INPP5F: variants seen among roughly 807,000 people sequenced by gnomAD.
INPP5F encodes inositol polyphosphate-5-phosphatase F, also known as phosphatidylinositide 4-phosphatase SAC2.
INPP5F carries 97 observed loss-of-function variants against 137.2 expected under a neutral mutation model. The observed-to-expected ratio is 0.71, with a 90% CI of 0.60 to 0.84. INPP5F has a LOEUF of 0.84. Among genes scored for constraint, INPP5F ranks in the 40% least tolerant of loss-of-function variants. The probability of loss-of-function intolerance (pLI) is 0.00; values close to 1 mark genes in which losing one functional copy is unlikely to be tolerated. For missense variants in INPP5F, 1,271 were observed against 1,371.9 expected, an observed-to-expected ratio of 0.93 and a Z score of 1.16; for synonymous variants, 504 against 476.9, an observed-to-expected ratio of 1.06 and a Z score of -0.74.
intron 2 of INPP5F, among the ~76,000 whole-genome samples, chr10:119,766,331 C>T (rs1849164375): frequency 6.6e-6 from 1 of 152,158 alleles, no homozygotes; most frequent in Non-Finnish European, 1.5e-5. Flanking sequence ...ATCTGGGCAT[C>T]CCTTCCCAGT....
intron 3 of INPP5F, among the ~76,000 whole-genome samples, chr10:119,790,249 C>T (rs187981203): frequency 6.6e-6 from 1 of 152,180 alleles, no homozygotes; most frequent in African/African-American, 2.4e-5. Context: ...TGTCCATAAG[C>T]TTGGTTCTGT....
At position 119,781,628 on chromosome 10, in the gene INPP5F, C is replaced by G. The variant is rs2134179297; in HGVS notation, c.179-7C>G. The G allele has an allele frequency of 6.2e-7, 1 of 1,603,610 alleles. No individual in the cohort carries two copies. Among genetic ancestry groups the G allele is most frequent in the Non-Finnish European group, 8.5e-7 (1 of 1,173,432 alleles). On this transcript the variant is annotated splice_polypyrimidine_tract_variant and splice_region_variant and intron_variant, in intron 2 of 19. Coordinates refer to ENST00000650623, the MANE Select transcript of INPP5F (RefSeq NM_014937.4). ...CGCCAGACTTTATTATGACTCTCCT[C>G]TTTCAGATCTTCCATGGTGGCTTAT...
chr10:119,795,931 A>C (rs1246629434), intron 6 of INPP5F, among the ~76,000 whole-genome samples: 2 of 152,254 alleles, frequency 1.3e-5, no homozygotes, highest in South Asian at 2.1e-4. Context: ...TATGAAAACC[A>C]GTCAGGCGTG....
intron 15 of INPP5F, chr10:119,816,453 TG>T (rs950444448): frequency 2.0e-5 from 3 of 152,240 alleles, no homozygotes; most frequent in African/African-American, 7.2e-5. Context: ...GGCATGTCTT[TG>T]TCTTGTGGGT....
At position 119,820,725 on chromosome 10, in the gene INPP5F, T is replaced by G. The variant is rs1424993415; in HGVS notation, c.1887-121T>G. On this transcript the variant is annotated intron_variant, in intron 15 of 19. Coordinates refer to ENST00000650623, the MANE Select transcript of INPP5F (RefSeq NM_014937.4). ...ACTGCAGTAGAACTCATTGATTACCTTCTTCTTTTCCCTCCCCCTGGCCAA... is the reference window on the plus strand; with the variant it reads ...ACTGCAGTAGAACTCATTGATTACCGTCTTCTTTTCCCTCCCCCTGGCCAA... 5.7e-6 allele frequency: 4 copies of G among 704,516 alleles called. 1 individual carries two copies. Among genetic ancestry groups the G allele is most frequent in the South Asian group, 4.7e-5 (3 of 63,824 alleles). The allele number at this position is 704,516 out of a possible 1,614,324, so 43.6% of individuals were successfully genotyped here.
chr10:119,736,125 C>A (rs1235994896), intron 1 of INPP5F, among the ~76,000 whole-genome samples: 1 of 152,140 alleles, frequency 6.6e-6, no homozygotes, highest in East Asian at 1.9e-4. Flanking sequence ...TATCAAAAGA[C>A]AGTTTTGGGG....
chr10:119,742,850 G>A (rs1002143348), intron 1 of INPP5F, among the ~76,000 whole-genome samples: 1 of 152,132 alleles, frequency 6.6e-6, no homozygotes. Flanking sequence ...AAATTAGCCC[G>A]GCGTGGTGGC....
At chr10:119,773,601 A>AT (rs936911583) in intron 2 of INPP5F, among the ~76,000 whole-genome samples, 1 of 152,104 alleles carries the variant, frequency 6.6e-6, no homozygotes, top group East Asian at 1.9e-4. Flanking sequence ...TGAGATGCTC[A>AT]TTTTTACATA....
chr10:119,760,013 A>G (rs2134139673), intron 2 of INPP5F, among the ~76,000 whole-genome samples: 1 of 152,312 alleles, frequency 6.6e-6, no homozygotes, highest in South Asian at 2.1e-4. Context: ...TGATGCTTGA[A>G]GAAGTCACAT....
At chr10:119,755,653 T>G (rs900049105) in intron 2 of INPP5F, among the ~76,000 whole-genome samples, 5 of 152,188 alleles carry the variant, frequency 3.3e-5, no homozygotes, top group Non-Finnish European at 7.3e-5. Flanking sequence ...CTGCTGCTTG[T>G]GCTCATTTCA....
At position 119,827,446 on chromosome 10, in the gene INPP5F, G is replaced by A. The variant is rs878873407; in HGVS notation, c.3065G>A (p.Gly1022Asp). 1 of 1,614,096 alleles carries A rather than the reference G, an allele frequency of 6.2e-7. No homozygotes were observed. The highest frequency in any genetic ancestry group is 8.5e-7 in the Non-Finnish European group (1 of 1,180,008). ...SQLDVSLSAT[G>D]PQFLSVEPAH... ...TTAGATGTCTCTCTTTCTGCAACAG[G>A]CCCACAGTTTTTGTCAGTTGAGCCA... The change falls in exon 20 of 20, where the codon GGC becomes GAC. Residue 1022 changes from glycine to aspartate, a missense_variant. By Grantham distance (94) the Gly-to-Asp change is moderately conservative. Transcript: ENST00000650623.
chr10:119,811,710 A>T, intron 14 of INPP5F, 47 bp from the exon 15 acceptor site: 1 of 1,451,448 alleles, frequency 6.9e-7, no homozygotes, highest in Non-Finnish European at 9.5e-7. Flanking sequence ...TTTTAAAAAT[A>T]TATTAGTAAA....
At chr10:119,771,946 A>AGT (rs1738948137) in intron 2 of INPP5F, among the ~76,000 whole-genome samples, 1 of 113,664 alleles carries the variant, frequency 8.8e-6, no homozygotes, top group African/African-American at 3.5e-5. Flanking sequence ...CTCAGGCTGG[A>AGT]GTGCAGTGGC....
Position 119,797,013 on chromosome 10 carries a change from A to C in INPP5F, c.868+100A>C, listed in dbSNP as rs1325357601. ...TAATGACAATAATGGATTTGGGAAC[A>C]CAGTTGGCTTCAAAGTGCTTGGGGA... On this transcript the variant is annotated intron_variant, in intron 7 of 19. Transcript: ENST00000650623. The C allele has an allele frequency of 2.5e-6, 3 of 1,194,910 alleles. No homozygotes were observed. The East Asian group carries it at 7.6e-5, about 30-fold the overall frequency. The allele number at this position is 1,194,910 out of a possible 1,614,324, so 74.0% of individuals were successfully genotyped here.
chr10:119,795,484 G>T, intron 6 of INPP5F, among the ~76,000 whole-genome samples: 1 of 151,904 alleles, frequency 6.6e-6, no homozygotes, highest in Non-Finnish European at 1.5e-5. Context: ...ACGATGGGCG[G>T]CCGGGCAGAG....
At chr10:119,798,942 T>C (rs2134228487) in intron 9 of INPP5F, among the ~76,000 whole-genome samples, 1 of 152,240 alleles carries the variant, frequency 6.6e-6, no homozygotes, top group East Asian at 1.9e-4. Flanking sequence ...GGTCAGCTAC[T>C]TTAGACTGTG....
intron 15 of INPP5F, chr10:119,819,982 G>A (rs1304058016): frequency 6.5e-6 from 1 of 153,078 alleles, no homozygotes; most frequent in Non-Finnish European, 1.5e-5. Context: ...AGGGAGAAAT[G>A]TCGGCTTTCT....
intron 2 of INPP5F, among the ~76,000 whole-genome samples, chr10:119,770,226 T>G (rs1365932067): frequency 3.9e-5 from 6 of 152,212 alleles, no homozygotes; most frequent in Non-Finnish European, 5.9e-5. Flanking sequence ...CATTGTAATA[T>G]GTTTAAAAAG....
At chr10:119,785,540 G>GAGAGAGAC (rs1266196203) in intron 3 of INPP5F, among the ~76,000 whole-genome samples, 12 of 136,664 alleles carry the variant, frequency 8.8e-5, no homozygotes, top group Admixed American at 4.3e-4. Flanking sequence ...CCGCTCGAGA[G>GAGAGAGAC]AGAGAGAGAG....
Sources: allele counts gnomAD v4.1 joint callset (sites outside exome capture counted in the v4.1 genomes callset), GRCh38; gene constraint gnomAD v4.1.1; transcripts MANE v1.5; gene names NCBI Gene and HGNC (gene_info 2026-07-23, HGNC 2026-07-21).